Variants in RAP1GDS1 observed in about 807,000 individuals in gnomAD.
RAP1GDS1 encodes Rap1 GTPase-GDP dissociation stimulator 1, also known as RAP1, GTP-GDP dissociation stimulator 1.
A neutral mutation model predicts 71.1 loss-of-function variants in RAP1GDS1; 35 were observed. That is an observed-to-expected ratio of 0.49 (90% CI 0.38 to 0.65). The LOEUF (loss-of-function observed/expected upper bound fraction) is 0.65. Ranked by LOEUF, RAP1GDS1 falls within the 30% of genes least tolerant of loss-of-function variation. The probability of loss-of-function intolerance (pLI) is 0.00; values close to 1 mark genes in which losing one functional copy is unlikely to be tolerated. For synonymous variants in RAP1GDS1, 229 were observed against 243.1 expected (o/e 0.94, Z 0.54); for missense variants, 663 against 706.1 (o/e 0.94, Z 0.69).
rs887757684 is a variant in RAP1GDS1 at position 98,325,407 on chromosome 4, C to G, written c.113-17732C>G. On this transcript the variant is annotated intron_variant, in intron 2 of 14. Coordinates refer to ENST00000408927, the MANE Select transcript of RAP1GDS1 (RefSeq NM_001100427.2). Reference sequence around the variant, plus strand: ...GAACTAGAAATACCATTTGACCCAGCCATCCCATTACTGGGTATATACCCA... The same window carrying G: ...GAACTAGAAATACCATTTGACCCAGGCATCCCATTACTGGGTATATACCCA... Among the ~76,000 whole-genome samples, 6 of 151,316 alleles carry G rather than the reference C, an allele frequency of 4.0e-5. 1 individual carries two copies. Among genetic ancestry groups the G allele is most frequent in the Admixed American group, 3.3e-4 (5 of 15,224 alleles).
At chr4:98,435,871 AC>A (rs1276349299) in intron 13 of RAP1GDS1, among the ~76,000 whole-genome samples, 1 of 151,892 alleles carries the variant, frequency 6.6e-6, no homozygotes, top group Admixed American at 6.6e-5. Context: ...GGAGATCGAG[AC>A]CATCCTGGCT....
intron 2 of RAP1GDS1, among the ~76,000 whole-genome samples, chr4:98,294,133 C>T (rs1205395405): frequency 1.3e-5 from 2 of 151,912 alleles, no homozygotes; most frequent in Non-Finnish European, 2.9e-5. Flanking sequence ...TATCCTATTT[C>T]TAGTCACTAA....
chr4:98,290,055 G>T (rs1726704341), intron 1 of RAP1GDS1, among the ~76,000 whole-genome samples: 1 of 152,092 alleles, frequency 6.6e-6, no homozygotes, highest in Admixed American at 6.6e-5. Flanking sequence ...TCAGTTAGCA[G>T]TTCTTGTGTA....
chr4:98,378,169 G>A (rs748679978), intron 4 of RAP1GDS1, among the ~76,000 whole-genome samples: 2 of 151,732 alleles, frequency 1.3e-5, no homozygotes, highest in Non-Finnish European at 1.5e-5. Flanking sequence ...TTTATCTAAG[G>A]TGTCAGATTT....
intron 2 of RAP1GDS1, among the ~76,000 whole-genome samples, chr4:98,323,994 C>T (rs1732467475): frequency 1.3e-5 from 2 of 149,624 alleles, no homozygotes; most frequent in South Asian, 4.4e-4. Flanking sequence ...TCCCTGTTTG[C>T]AGACGACATG....
At chr4:98,305,235 C>T (rs1729153706) in intron 2 of RAP1GDS1, among the ~76,000 whole-genome samples, 1 of 152,052 alleles carries the variant, frequency 6.6e-6, no homozygotes, top group Admixed American at 6.6e-5. Flanking sequence ...ATGGGAATAG[C>T]ACTGAATTTA....
At chr4:98,423,954 TG>T (rs1174152357) in intron 12 of RAP1GDS1, among the ~76,000 whole-genome samples, 1 of 152,190 alleles carries the variant, frequency 6.6e-6, no homozygotes, top group African/African-American at 2.4e-5. Flanking sequence ...GGTTTTGAGT[TG>T]AGCAATTTGA....
chr4:98,352,463 C>G lies in RAP1GDS1; in HGVS notation c.236-13C>G, dbSNP rs1291409511. 1 of 1,610,334 alleles carries G rather than the reference C, an allele frequency of 6.2e-7. No homozygotes were observed. The highest frequency in any genetic ancestry group is 2.2e-5 in the East Asian group (1 of 44,818). ...TCGTTAGATTTTTAATTAAACATGT[C>G]TCTTATTTTCAGAGTTTATGCGAAT... On this transcript the variant is annotated splice_polypyrimidine_tract_variant and intron_variant, in intron 3 of 14. Transcript: ENST00000408927.
intron 5 of RAP1GDS1, among the ~76,000 whole-genome samples, chr4:98,389,047 A>G (rs1578693530): frequency 7.0e-6 from 1 of 143,074 alleles, no homozygotes; most frequent in South Asian, 2.1e-4. Context: ...ATGGCTACTA[A>G]TACAATTTGG....
At chr4:98,267,861 C>G (rs1722912804) in intron 1 of RAP1GDS1, among the ~76,000 whole-genome samples, 1 of 152,024 alleles carries the variant, frequency 6.6e-6, no homozygotes, top group Admixed American at 6.6e-5. Flanking sequence ...GGAAATATAC[C>G]CAGTAATGGG....
chr4:98,278,179 A>G (rs2110245041), intron 1 of RAP1GDS1, among the ~76,000 whole-genome samples: 1 of 152,326 alleles, frequency 6.6e-6, no homozygotes, highest in African/African-American at 2.4e-5. Context: ...AACCTGGGCG[A>G]CAGAGCAAGG....
chr4:98,348,124 C>T (rs1736578910), intron 3 of RAP1GDS1, among the ~76,000 whole-genome samples: 1 of 151,892 alleles, frequency 6.6e-6, no homozygotes, highest in Admixed American at 6.6e-5. Flanking sequence ...CGTACCCCCA[C>T]CCCACAACAG....
chr4:98,389,650 A>G (rs1427022168), intron 5 of RAP1GDS1, among the ~76,000 whole-genome samples: 1 of 152,122 alleles, frequency 6.6e-6, no homozygotes, highest in Non-Finnish European at 1.5e-5. Flanking sequence ...TTTTCTCCCA[A>G]TCTGCCATAA....
intron 5 of RAP1GDS1, among the ~76,000 whole-genome samples, chr4:98,390,341 A>G (rs1743423898): frequency 6.6e-6 from 1 of 152,218 alleles, no homozygotes; most frequent in Non-Finnish European, 1.5e-5. Context: ...AAGTATAAAT[A>G]CAGATTACTT....
At chr4:98,361,728 A>G (rs1408721099) in intron 4 of RAP1GDS1, among the ~76,000 whole-genome samples, 2 of 152,146 alleles carry the variant, frequency 1.3e-5, no homozygotes, top group Admixed American at 6.5e-5. Context: ...GAAATGAAAG[A>G]TTTAATTCAT....
intron 4 of RAP1GDS1, among the ~76,000 whole-genome samples, chr4:98,370,695 C>T (rs370712969): frequency 1.7e-4 from 26 of 151,876 alleles, no homozygotes; most frequent in African/African-American, 5.3e-4. Context: ...CTCAGCCTCC[C>T]GAGTAGCTGG....
At chr4:98,337,428 G>A (rs1734867320) in intron 2 of RAP1GDS1, among the ~76,000 whole-genome samples, 1 of 152,180 alleles carries the variant, frequency 6.6e-6, no homozygotes, top group Non-Finnish European at 1.5e-5. Flanking sequence ...GACAGTTGTA[G>A]TAGGAAGAGC....
At chr4:98,274,250 C>G (rs369520666) in intron 1 of RAP1GDS1, among the ~76,000 whole-genome samples, 1 of 151,556 alleles carries the variant, frequency 6.6e-6, no homozygotes, top group Non-Finnish European at 1.5e-5. Flanking sequence ...TTTGTGACCT[C>G]GAGCTCAAAA....
intron 1 of RAP1GDS1, among the ~76,000 whole-genome samples, chr4:98,283,883 T>C (rs1341957779): frequency 6.6e-6 from 1 of 151,038 alleles, no homozygotes; most frequent in African/African-American, 2.4e-5. Flanking sequence ...CTAGTACAAC[T>C]AGCTAACGTG....
Sources: gnomAD v4.1 joint callset for allele counts (sites outside exome capture counted in the v4.1 genomes callset) on GRCh38, gnomAD v4.1.1 for gene constraint, MANE v1.5 for transcripts, NCBI Gene and HGNC (gene_info 2026-07-23, HGNC 2026-07-21) for gene names.